Variants in VIPAS39 observed in about 807,000 individuals in gnomAD.
VIPAS39 encodes VPS33B interacting protein, apical-basolateral polarity regulator, spe-39 homolog.
A neutral mutation model predicts 84.7 loss-of-function variants in VIPAS39; 63 were observed. The observed-to-expected ratio is 0.74, with a 90% CI of 0.61 to 0.92. VIPAS39 has a LOEUF of 0.92. Among genes scored for constraint, VIPAS39 ranks in the 40% least tolerant of loss-of-function variants. The probability of loss-of-function intolerance (pLI) is 0.00; values close to 1 mark genes in which losing one functional copy is unlikely to be tolerated. For synonymous variants in VIPAS39, 192 were observed against 216.5 expected (o/e 0.89, Z 0.99); for missense variants, 499 against 604.5 (o/e 0.83, Z 1.83).
intron 19 of VIPAS39, 96 bp downstream of exon 19, chr14:77,428,274 T>C: frequency 8.7e-7 from 1 of 1,142,988 alleles, no homozygotes; most frequent in Non-Finnish European, 1.3e-6. Context: ...CTTAGCCAAC[T>C]GCAATCCTTC....
intron 1 of VIPAS39, 189 bp downstream of exon 1, chr14:77,457,306 G>A (rs2078975018): frequency 6.5e-7 from 1 of 1,535,512 alleles, no homozygotes; most frequent in Admixed American, 2.0e-5. Context: ...CGAACCAATC[G>A]CTGGTGCTCA....
At chr14:77,453,981 A>AAG (rs772132008) in intron 2 of VIPAS39, 29 bp downstream of exon 2, 1 of 1,609,570 alleles carries the variant, frequency 6.2e-7, no homozygotes, top group Non-Finnish European at 8.5e-7. Context: ...CACTGTGGAG[A>AAG]AGAGTACAAA....
intron 7 of VIPAS39, among the ~76,000 whole-genome samples, chr14:77,447,741 AC>A (rs2078815470): frequency 6.6e-6 from 1 of 151,766 alleles, no homozygotes; most frequent in African/African-American, 2.4e-5. Flanking sequence ...GCTCACTACA[AC>A]CTCCACTTCC....
chr14:77,448,641 C>T, intron 6 of VIPAS39, 91 bp from the exon 7 acceptor site: 1 of 1,326,098 alleles, frequency 7.5e-7, no homozygotes. Flanking sequence ...GTCTTAGTGT[C>T]TAAGGGGGAA....
At chr14:77,439,403 A>C (rs2078665063) in intron 11 of VIPAS39, among the ~76,000 whole-genome samples, 1 of 152,214 alleles carries the variant, frequency 6.6e-6, no homozygotes, top group African/African-American at 2.4e-5. Flanking sequence ...AATGATTACT[A>C]CAGGCTGCCA....
chr14:77,451,110 G>A (rs533451685), intron 4 of VIPAS39, 77 bp downstream of exon 4: 3 of 1,600,290 alleles, frequency 1.9e-6, no homozygotes, highest in East Asian at 2.2e-5. Context: ...TTCTTACAAA[G>A]TAAATGAAAA....
At chr14:77,432,268 C>A (rs1469924778) in intron 16 of VIPAS39, among the ~76,000 whole-genome samples, 1 of 151,622 alleles carries the variant, frequency 6.6e-6, no homozygotes, top group African/African-American at 2.4e-5. Context: ...AGAAAGATAA[C>A]AAGTGTTGGC....
intron 11 of VIPAS39, among the ~76,000 whole-genome samples, chr14:77,438,708 C>A (rs2139797403): frequency 6.6e-6 from 1 of 152,174 alleles, no homozygotes; most frequent in South Asian, 2.1e-4. Context: ...GAGCTAAATA[C>A]CTATTTCAGT....
intron 13 of VIPAS39, among the ~76,000 whole-genome samples, chr14:77,435,612 G>C (rs2078598166): frequency 6.6e-6 from 1 of 152,152 alleles, no homozygotes. Context: ...GAAGTGGGGA[G>C]GACATGGGAG....
At chr14:77,449,875 AG>A (rs2139870645) in intron 4 of VIPAS39, 123 bp from the exon 5 acceptor site, 2 of 1,185,956 alleles carry the variant, frequency 1.7e-6, no homozygotes, top group South Asian at 2.5e-5. Context: ...GGCTTAAAAA[AG>A]GTTTTATTCA....
At position 77,433,758 on chromosome 14, in the gene VIPAS39, A is replaced by G. The variant is rs545090515; in HGVS notation, c.1179+84T>C. On this transcript the variant is annotated intron_variant, in intron 16 of 19. Transcript: ENST00000557658. ...TGGAAAATAAAAAGTTGGAGGAAAAATGTAAACCGGTAACTAGAACTTATA... is the reference window on the plus strand; with the variant it reads ...TGGAAAATAAAAAGTTGGAGGAAAAGTGTAAACCGGTAACTAGAACTTATA... 6.9e-5 allele frequency: 98 copies of G among 1,424,608 alleles called. 1 individual carries two copies. In the South Asian group the frequency reaches 1.2e-3, roughly 18 times the overall value. 88.2% of individuals were successfully genotyped at this position (1,424,608 alleles called of 1,614,324 possible). A position where few individuals can be genotyped will look rare whatever the true frequency, so the allele number is the denominator to read the frequency against.
rs1464288747 is a variant in VIPAS39 at position 77,454,241 on chromosome 14, C to T, written c.1-139G>A. ...GAATCTGGTAAAACAAATATTGAAC[C>T]TGCCATATAAAACCAGATTCTTGGG... On this transcript the variant is annotated intron_variant, in intron 1 of 19. Transcript: ENST00000557658. 3.9e-6 allele frequency: 3 copies of T among 772,680 alleles called. No individual in the cohort carries two copies. In the East Asian group the frequency reaches 8.1e-5, roughly 21 times the overall value. The allele number at this position is 772,680 out of a possible 1,614,324, so 47.9% of individuals were successfully genotyped here.
At chr14:77,440,631 G>C (rs773979277) in intron 11 of VIPAS39, 4 of 167,202 alleles carry the variant, frequency 2.4e-5, no homozygotes, top group African/African-American at 7.1e-5. Context: ...AAGTTTTCAG[G>C]TTTTCCAGGT....
intron 8 of VIPAS39, among the ~76,000 whole-genome samples, chr14:77,444,022 C>T (rs1238198880): frequency 1.4e-5 from 2 of 144,278 alleles, no homozygotes; most frequent in African/African-American, 5.3e-5. Flanking sequence ...ACCTGGGCAA[C>T]AGAGCAAGAC....
rs2078438815 is a variant in VIPAS39 at position 77,426,821 on chromosome 14, T to G, written c.*795A>C. 1 of 152,178 alleles carries G rather than the reference T, an allele frequency of 6.6e-6. No individual in the cohort carries two copies. The highest frequency in any genetic ancestry group is 1.5e-5 in the Non-Finnish European group (1 of 68,042). 9.4% of individuals were successfully genotyped at this position (152,178 alleles called of 1,614,324 possible). The stretch of plus-strand genomic sequence containing the variant: ...CTCCATCTAAATATCCTAACAGAAA[T>G]GCTGCTGAATTTAGCCCAGGTGAAA... On this transcript the variant is annotated 3_prime_UTR_variant, in exon 20 of 20. Coordinates refer to ENST00000557658, the MANE Select transcript of VIPAS39 (RefSeq NM_001193315.2).
chr14:77,437,908 G>T (rs746358918), intron 11 of VIPAS39, 27 bp from the exon 12 acceptor site: 2 of 1,612,036 alleles, frequency 1.2e-6, no homozygotes, highest in South Asian at 2.2e-5. Context: ...AAGGCTTTGA[G>T]GTATTTTGTC....
intron 5 of VIPAS39, 149 bp downstream of exon 5, chr14:77,449,565 G>A (rs1390571606): frequency 7.9e-7 from 1 of 1,270,844 alleles, no homozygotes; most frequent in African/African-American, 1.5e-5. Flanking sequence ...TACCTCCTTA[G>A]TCAGTATCAG....
chr14:77,452,688 G>A (rs530577481), intron 3 of VIPAS39, among the ~76,000 whole-genome samples: 2 of 147,758 alleles, frequency 1.4e-5, no homozygotes, highest in East Asian at 2.1e-4. Context: ...GCTGAAGCAT[G>A]AGAATCGCTT....
intron 13 of VIPAS39, among the ~76,000 whole-genome samples, 193 bp downstream of exon 13, chr14:77,435,651 G>C (rs905027796): frequency 5.9e-5 from 9 of 152,130 alleles, no homozygotes; most frequent in African/African-American, 2.2e-4. Flanking sequence ...ATACTTCCAG[G>C]TTAACAGCTG....
Sources: gnomAD v4.1 joint callset for allele counts (sites outside exome capture counted in the v4.1 genomes callset) on GRCh38, gnomAD v4.1.1 for gene constraint, MANE v1.5 for transcripts, NCBI Gene and HGNC (gene_info 2026-07-23, HGNC 2026-07-21) for gene names.